Variants in DHCR7 observed in about 807,000 individuals in gnomAD.
DHCR7 encodes 7-dehydrocholesterol reductase.
In DHCR7, 40 loss-of-function variants were observed where a neutral mutation model predicts 43.3. The observed-to-expected ratio is 0.92, with a 90% CI of 0.72 to 1.20. DHCR7 has a LOEUF of 1.20. Ranked by LOEUF, DHCR7 falls within the 50% of genes most tolerant of loss-of-function variation. The pLI is 0.00. For missense variants in DHCR7, 608 were observed against 644.6 expected (o/e 0.94, Z 0.62); for synonymous variants, 298 against 271.4 (o/e 1.10, Z -0.96).
chr11:71,436,878 A>T (rs910724564), intron 8 of DHCR7, among the ~76,000 whole-genome samples: 1 of 152,238 alleles, frequency 6.6e-6, no homozygotes, highest in Non-Finnish European at 1.5e-5. Flanking sequence ...CGAGACACAC[A>T]CAGAGGCTAA....
chr11:71,437,709 G>A (rs1456765670), intron 8 of DHCR7, 103 bp downstream of exon 8: 2 of 1,526,722 alleles, frequency 1.3e-6, no homozygotes, highest in Non-Finnish European at 1.8e-6. Context: ...CCTAGAAACA[G>A]GGGGCAGCTT....
At chr11:71,428,689 A>ACCCTTCCTGC in exon 3 of DHCR7, 2 of 367,116 alleles carry the variant, frequency 5.4e-6, no homozygotes, top group South Asian at 4.0e-5. Flanking sequence ...GGCCGTGGTG[A>ACCCTTCCTGC]ACCTCCCTGC....
rs143312232 is a variant in DHCR7 at position 71,441,392 on chromosome 11, G to A, written c.461C>T (p.Thr154Met). The change falls in exon 6 of 9, where the codon ACG (threonine) becomes ATG (methionine). Residue 154 changes from threonine to methionine, a missense_variant. By Grantham distance (81) the Thr-to-Met change is moderately conservative. Coordinates refer to ENST00000355527, the MANE Select transcript of DHCR7 (RefSeq NM_001360.3). ...QINGLQAWLL[T>M]HLLWFANAHL... ...AGCGTTTGCAAACCAGAGCAGGTGCGTGAGGAGCCAGGCTTGCAGGCCATT... is the reference window on the plus strand; with the variant it reads ...AGCGTTTGCAAACCAGAGCAGGTGCATGAGGAGCCAGGCTTGCAGGCCATT... 1.7e-5 allele frequency: 28 copies of A among 1,613,950 alleles called. No homozygotes were observed. Among genetic ancestry groups the A allele is most frequent in the African/African-American group, 2.7e-5 (2 of 74,944 alleles).
chr11:71,435,767 C>G lies in DHCR7; in HGVS notation c.1036G>C (p.Val346Leu). The G allele has an allele frequency of 2.5e-6, 4 of 1,609,878 alleles. No homozygotes were observed. Among genetic ancestry groups the G allele is most frequent in the Non-Finnish European group, 3.4e-6 (4 of 1,177,324 alleles). Residue 346 changes from valine to leucine, a missense_variant, in exon 9 of 9, where the codon GTG becomes CTG. By Grantham distance (32) the Val-to-Leu change is conservative (BLOSUM62 1). Coordinates refer to ENST00000355527, the MANE Select transcript of DHCR7 (RefSeq NM_001360.3). ...HAVGVLLLGL[V>L]GYYIFRVANH... ...GCCACCCGGAAGATGTAGTAGCCCACCAGGCCCAGCAGCAGGACGCCCACG... is the reference window on the plus strand; with the variant it reads ...GCCACCCGGAAGATGTAGTAGCCCAGCAGGCCCAGCAGCAGGACGCCCACG...
rs745820609 is a variant in DHCR7 at position 71,435,655 on chromosome 11, G to A, written c.1148C>T (p.Thr383Ile). Residue 383 changes from threonine (T) to isoleucine (I), a missense_variant, in exon 9 of 9, where the codon ACA becomes ATA. By Grantham distance (89) the Thr-to-Ile change is moderately conservative (BLOSUM62 -1). Coordinates refer to ENST00000355527, the MANE Select transcript of DHCR7 (RefSeq NM_001360.3). ...RKPKVIECSY[T>I]SADGQRHHSK... ...GTGGTGCCTCTGCCCATCGGCGGATGTGTAGGAGCACTCGATGACCTTGGG... is the reference window on the plus strand; with the variant it reads ...GTGGTGCCTCTGCCCATCGGCGGATATGTAGGAGCACTCGATGACCTTGGG... The A allele has an allele frequency of 1.9e-6, 3 of 1,612,840 alleles. No individual in the cohort carries two copies. The African/African-American group carries it at 4.0e-5, about 22-fold the overall frequency.
chr11:71,439,176 G>C, intron 6 of DHCR7, 93 bp from the exon 7 acceptor site: 1 of 1,197,770 alleles, frequency 8.3e-7, no homozygotes. Context: ...ACTGGCCCAG[G>C]GTCCTAAAGG....
intron 5 of DHCR7, 51 bp downstream of exon 5, chr11:71,442,212 G>A (rs375015720): frequency 2.2e-6 from 3 of 1,372,876 alleles, no homozygotes; most frequent in South Asian, 2.4e-5. Flanking sequence ...TGGCCCCTGA[G>A]AGAAAGGGAT....
chr11:71,434,124 C>T (rs1009471672), downstream of DHCR7, among the ~76,000 whole-genome samples: 1 of 152,226 alleles, frequency 6.6e-6, no homozygotes. Context: ...TCTCCATTCA[C>T]TTGCCGGGGG....
intron 4 of DHCR7, 50 bp downstream of exon 4, chr11:71,443,943 G>A (rs1370623732): frequency 1.4e-6 from 2 of 1,470,154 alleles, no homozygotes; most frequent in Non-Finnish European, 1.9e-6. Flanking sequence ...CCAGCAGGAG[G>A]GCACGCTCCC....
chr11:71,437,797 T>C lies in DHCR7; in HGVS notation c.963+15A>G. On this transcript the variant is annotated intron_variant, in intron 8 of 8. Transcript: ENST00000355527. ...GCCAAATGCCCCGCTGGGCCAGCTC[T>C]GCCCACCTCCTCACCTGCAGCGTGT... is the stretch of plus-strand genomic sequence containing the variant. 1 of 1,613,650 alleles carries C rather than the reference T, an allele frequency of 6.2e-7. No homozygotes were observed. The highest frequency in any genetic ancestry group is 1.1e-5 in the South Asian group (1 of 91,088).
chr11:71,428,886 A>G (rs779046175), intron 2 of DHCR7: 1 of 456,028 alleles, frequency 2.2e-6, no homozygotes, highest in South Asian at 1.5e-5. Flanking sequence ...TTCTCAAGAC[A>G]GAGTGGAGTT....
chr11:71,429,819 C>T (rs1298244057), downstream of DHCR7, among the ~76,000 whole-genome samples: 5 of 152,158 alleles, frequency 3.3e-5, no homozygotes, highest in Non-Finnish European at 4.4e-5. Context: ...TAACAGCCAT[C>T]TTGCAGCTTC....
At position 71,435,615 on chromosome 11, in the gene DHCR7, C is replaced by A; in HGVS notation, c.1188G>T (p.Val396=). 2 of 1,610,328 alleles carry A rather than the reference C, an allele frequency of 1.2e-6. No homozygotes were observed. The highest frequency in any genetic ancestry group is 1.7e-6 in the Non-Finnish European group (2 of 1,179,762). ...DGQRHHSKLL[V]SGFWGVARHF... Reference sequence around the variant, plus strand: ...GGCGGGCCACGCCCCAGAAGCCCGACACCAGCAGCTTGCTGTGGTGCCTCT... The same window carrying A: ...GGCGGGCCACGCCCCAGAAGCCCGAAACCAGCAGCTTGCTGTGGTGCCTCT... Residue 396 remains valine, a synonymous_variant, in exon 9 of 9, where the codon GTG becomes GTT. Coordinates refer to ENST00000355527, the MANE Select transcript of DHCR7 (RefSeq NM_001360.3).
At chr11:71,430,293 C>G (rs539285932), downstream of DHCR7, among the ~76,000 whole-genome samples, 4 of 152,340 alleles carry the variant, frequency 2.6e-5, no homozygotes, top group Non-Finnish European at 5.9e-5. Flanking sequence ...GTCTACTCAG[C>G]TCACTGTGCT....
chr11:71,445,231 T>C (rs1949393721), intron 2 of DHCR7, among the ~76,000 whole-genome samples: 1 of 152,206 alleles, frequency 6.6e-6, no homozygotes, highest in African/African-American at 2.4e-5. Context: ...ATGCCCCCCC[T>C]CTTACAGCAC....
At position 71,441,347 on chromosome 11, in the gene DHCR7, G is replaced by C. The variant is rs80338855; in HGVS notation, c.506C>G (p.Ser169Trp). ...FANAHLLSWF[S>W]PTIIFDNWIP... ...CCAGTTGTCGAAGATGATGGTGGGC[G>C]AGAACCAGGACAGGAGATGAGCGTT... The change falls in exon 6 of 9, where the codon TCG becomes TGG. Residue 169 changes from serine (S) to tryptophan (W), a missense_variant. Coordinates refer to ENST00000355527, the MANE Select transcript of DHCR7 (RefSeq NM_001360.3). 6.2e-7 allele frequency: 1 copy of C among 1,614,230 alleles called. No individual in the cohort carries two copies. Among genetic ancestry groups the C allele is most frequent in the Non-Finnish European group, 8.5e-7 (1 of 1,180,046 alleles).
downstream of DHCR7, among the ~76,000 whole-genome samples, chr11:71,432,101 C>T (rs1322091223): frequency 6.6e-6 from 1 of 152,256 alleles, no homozygotes; most frequent in Non-Finnish European, 1.5e-5. Flanking sequence ...GCTGGGATTA[C>T]AGGCGTGAGC....
chr11:71,430,341 G>A (rs143552773), downstream of DHCR7, among the ~76,000 whole-genome samples: 2 of 152,352 alleles, frequency 1.3e-5, no homozygotes, highest in Non-Finnish European at 2.9e-5. Flanking sequence ...GCATGTGAGT[G>A]TGGGATCCGG....
In DHCR7 at chr11:71,444,154, C is replaced by T. The variant is rs779222334; in HGVS notation, c.160G>A (p.Val54Ile). 3.8e-5 allele frequency: 62 copies of T among 1,610,800 alleles called. No individual in the cohort carries two copies. The highest frequency in any genetic ancestry group is 4.7e-5 in the Non-Finnish European group (55 of 1,178,444). Residue 54 changes from valine (V) to isoleucine (I), a missense_variant, in exon 4 of 9, where the codon GTC becomes ATC. Coordinates refer to ENST00000355527, the MANE Select transcript of DHCR7 (RefSeq NM_001360.3). ...TCACAAGCCATGATGAAGTAGTAGACGATGAAGGGGGCGAACAGCAGTAGG... is the reference window on the plus strand; with the variant it reads ...TCACAAGCCATGATGAAGTAGTAGATGATGAAGGGGGCGAACAGCAGTAGG... ...IFLLLFAPFI[V>I]YYFIMACDQY...
Sources: gnomAD v4.1 joint callset for allele counts (sites outside exome capture counted in the v4.1 genomes callset) on GRCh38, gnomAD v4.1.1 for gene constraint, MANE v1.5 for transcripts, NCBI Gene and HGNC (gene_info 2026-07-23, HGNC 2026-07-21) for gene names.